The following FBXL2 variants were observed in gnomAD, a reference collection of about 807,000 sequenced individuals.
FBXL2 encodes F-box/LRR-repeat protein 2.
FBXL2 carries 38 observed loss-of-function variants against 69.2 expected under a neutral mutation model. The ratio of observed to expected loss-of-function variants is 0.55; its 90% CI spans 0.42 to 0.72. The LOEUF (loss-of-function observed/expected upper bound fraction) is 0.72. FBXL2 is among the 30% of genes least tolerant of loss of function. The probability of loss-of-function intolerance (pLI) is 0.00; values close to 1 mark genes in which losing one functional copy is unlikely to be tolerated. For synonymous variants in FBXL2, 192 were observed against 201.3 expected (o/e 0.95, Z 0.39); for missense variants, 354 against 520.3 (o/e 0.68, Z 3.11).
At chr3:33,320,902 G>T (rs1056682603) in intron 2 of FBXL2, among the ~76,000 whole-genome samples, 4 of 152,062 alleles carry the variant, frequency 2.6e-5, no homozygotes, top group African/African-American at 9.7e-5. Flanking sequence ...TGAAAGGAAA[G>T]CCACAAACTA....
chr3:33,364,652 C>T lies in FBXL2; in HGVS notation c.223C>T (p.Arg75Ter), dbSNP rs2041839425. The T allele has an allele frequency of 1.2e-6, 2 of 1,614,080 alleles. No individual in the cohort carries two copies. The highest frequency in any genetic ancestry group is 2.2e-5 in the East Asian group (1 of 44,894). Residue 75 changes from arginine (R) to a stop codon, truncating the protein, a stop_gained, in exon 5 of 15, where the codon CGA (arginine) becomes TGA (stop). Coordinates refer to ENST00000484457, the MANE Select transcript of FBXL2 (RefSeq NM_012157.5). LOFTEE classifies it high-confidence loss of function. The stretch of plus-strand genomic sequence containing the variant: ...TCGAGTGGTGGAAAATATCTCGAAG[C>T]GATGCGGTGGATTCCTGAGGAAGCT... ...EGRVVENISK[R>*]CGGFLRKLSL... is the part of the protein sequence containing the mutation.
chr3:33,302,233 A>G lies in FBXL2; in HGVS notation c.65+4508A>G, dbSNP rs570517610. 1.7e-4 allele frequency among the ~76,000 whole-genome samples: 26 copies of G among 152,314 alleles called. No individual in the cohort carries two copies. In the South Asian group the frequency reaches 4.6e-3, roughly 27 times the overall value. Reference sequence around the variant, plus strand: ...TAACTCTGTGAAGGCCCAATGCTTCATTTCATTAAACTGGACGAATTCAAT... The same window carrying G: ...TAACTCTGTGAAGGCCCAATGCTTCGTTTCATTAAACTGGACGAATTCAAT... On this transcript the variant is annotated intron_variant, in intron 2 of 14. Transcript: ENST00000484457.
the FBXL2 span, among the ~76,000 whole-genome samples, chr3:33,421,440 T>C: frequency 5.3e-5 from 8 of 152,128 alleles, no homozygotes; most frequent in East Asian, 5.8e-4. Flanking sequence ...GCTCAGCTAC[T>C]TTTGTATTTT....
intron 2 of FBXL2, among the ~76,000 whole-genome samples, chr3:33,322,710 A>G (rs1463289479): frequency 1.3e-5 from 2 of 152,204 alleles, no homozygotes; most frequent in Admixed American, 6.6e-5. Context: ...GAGAAAGGGA[A>G]TAAGGGAGAG....
intron 2 of FBXL2, among the ~76,000 whole-genome samples, chr3:33,353,772 C>T (rs1436379329): frequency 2.0e-5 from 3 of 152,112 alleles, no homozygotes; most frequent in Non-Finnish European, 4.4e-5. Context: ...GCTTTACTTT[C>T]CCCTGCTTGG....
At chr3:33,340,497 T>C (rs576515691) in intron 2 of FBXL2, among the ~76,000 whole-genome samples, 75 of 145,974 alleles carry the variant, frequency 5.1e-4, no homozygotes, top group African/African-American at 1.6e-3. Context: ...GACAGCCAAG[T>C]AAACTGAAAG....
At chr3:33,390,392 T>C, downstream of FBXL2, 2 of 1,614,004 alleles carry the variant, frequency 1.2e-6, no homozygotes, top group Middle Eastern at 1.6e-4. Flanking sequence ...AAAGACAGTA[T>C]TTCTTCAGTC....
At chr3:33,282,244 C>G (rs2034097234) in intron 1 of FBXL2, among the ~76,000 whole-genome samples, 1 of 152,106 alleles carries the variant, frequency 6.6e-6, no homozygotes, top group Non-Finnish European at 1.5e-5. Context: ...GGAAGGGATC[C>G]AGTTTCAGCT....
the FBXL2 span, chr3:33,411,690 A>G: frequency 3.4e-5 from 55 of 1,610,766 alleles, no homozygotes; most frequent in Middle Eastern, 5.0e-4. Context: ...TGGAATATCT[A>G]TGTTTTAAAA....
intron 1 of FBXL2, among the ~76,000 whole-genome samples, chr3:33,286,843 C>T (rs778287415): frequency 5.3e-5 from 8 of 152,322 alleles, no homozygotes; most frequent in South Asian, 4.1e-4. Flanking sequence ...GAGCCAGGCG[C>T]GGGATATAAT....
At chr3:33,362,102 C>T (rs540893117) in intron 4 of FBXL2, among the ~76,000 whole-genome samples, 6 of 152,270 alleles carry the variant, frequency 3.9e-5, no homozygotes, top group African/African-American at 1.2e-4. Flanking sequence ...GTATCTTGAA[C>T]GGTGGGTTGC....
intron 2 of FBXL2, among the ~76,000 whole-genome samples, chr3:33,344,098 A>G (rs959125568): frequency 6.6e-6 from 1 of 151,892 alleles, no homozygotes; most frequent in Non-Finnish European, 1.5e-5. Context: ...AAAAAAGATA[A>G]CACTCATAAT....
intron 2 of FBXL2, among the ~76,000 whole-genome samples, chr3:33,356,676 A>G (rs1322096648): frequency 2.0e-5 from 3 of 152,080 alleles, no homozygotes; most frequent in African/African-American, 7.2e-5. Flanking sequence ...AAAAAGGATG[A>G]ATCAGGAGAG....
At chr3:33,300,916 C>T (rs956084244) in intron 2 of FBXL2, among the ~76,000 whole-genome samples, 2 of 151,704 alleles carry the variant, frequency 1.3e-5, no homozygotes, top group African/African-American at 2.4e-5. Context: ...AGGGTTTCAC[C>T]GTGGTCTCGA....
intron 1 of FBXL2, among the ~76,000 whole-genome samples, chr3:33,282,263 A>G (rs2034099546): frequency 6.6e-6 from 1 of 152,192 alleles, no homozygotes; most frequent in South Asian, 2.1e-4. Flanking sequence ...CTTTCTATAT[A>G]TGGCTAGCCA....
At chr3:33,397,333 T>C in intron 12 of FBXL2, 1 of 435,790 alleles carries the variant, frequency 2.3e-6, no homozygotes. Context: ...TTCCATGTCC[T>C]GTATCAAGAA....
At chr3:33,323,993 G>T (rs111651924) in intron 2 of FBXL2, among the ~76,000 whole-genome samples, 40 of 152,208 alleles carry the variant, frequency 2.6e-4, no homozygotes, top group African/African-American at 8.4e-4. Context: ...TTTAATGATC[G>T]CCATTCTAAC....
chr3:33,334,513 A>G (rs918150766), intron 2 of FBXL2, among the ~76,000 whole-genome samples: 1 of 152,234 alleles, frequency 6.6e-6, no homozygotes, highest in East Asian at 1.9e-4. Context: ...AAGAGAAAAA[A>G]GATAGAAAAA....
rs1439285664 is a variant in FBXL2 at position 33,315,040 on chromosome 3, GTTC to G, written c.65+17321_65+17323del. On this transcript the variant is annotated intron_variant, in intron 2 of 14. Coordinates refer to ENST00000484457, the MANE Select transcript of FBXL2 (RefSeq NM_012157.5). ...CTTTTCCTTAAGACAAACATTTTAA[GTTC>G]TTCTTGAGACTTTTAAATTTGTCAC... Among the ~76,000 whole-genome samples, 4 of 152,084 alleles carry G rather than the reference GTTC, an allele frequency of 2.6e-5. No individual in the cohort carries two copies. In the East Asian group the frequency reaches 7.7e-4, roughly 29 times the overall value.
Sources: gnomAD v4.1 joint callset for allele counts (sites outside exome capture counted in the v4.1 genomes callset) on GRCh38, gnomAD v4.1.1 for gene constraint, MANE v1.5 for transcripts, NCBI Gene and HGNC (gene_info 2026-07-23, HGNC 2026-07-21) for gene names.